The following TRPM3 variants were observed in gnomAD, a reference collection of about 807,000 sequenced individuals.
TRPM3 encodes the protein transient receptor potential cation channel subfamily M member 3.
TRPM3 carries 77 observed loss-of-function variants against 181.2 expected under a neutral mutation model. The observed-to-expected ratio is 0.42, with a 90% CI of 0.35 to 0.51. TRPM3 has a LOEUF of 0.51. TRPM3 is among the 20% of genes least tolerant of loss of function. The probability of loss-of-function intolerance (pLI) is 0.01; values close to 1 mark genes in which losing one functional copy is unlikely to be tolerated. For synonymous variants in TRPM3, 745 were observed against 796.4 expected (o/e 0.94, Z 1.09); for missense variants, 1,759 against 2,196.7 (o/e 0.80, Z 3.98).
At chr9:71,226,042 A>AAAAAAAG (rs2080616875) in intron 1 of TRPM3, among the ~76,000 whole-genome samples, 1 of 113,102 alleles carries the variant, frequency 8.8e-6, no homozygotes, top group Non-Finnish European at 1.9e-5. Context: ...AAAAAAAAAT[A>AAAAAAAG]GCAGGGAGAT....
intron 7 of TRPM3, among the ~76,000 whole-genome samples, chr9:70,768,422 G>A (rs1381626885): frequency 6.6e-6 from 1 of 152,032 alleles, no homozygotes; most frequent in African/African-American, 2.4e-5. Context: ...GCATATAAGG[G>A]ACATCTTCAG....
chr9:71,071,147 A>C lies in TRPM3; in HGVS notation c.177+50031T>G, dbSNP rs117542698. On this transcript the variant is annotated intron_variant, in intron 1 of 25. Coordinates refer to ENST00000677713, the MANE Select transcript of TRPM3 (RefSeq NM_001366145.2). The stretch of plus-strand genomic sequence containing the variant: ...ATGTAGGTATGAGTTAGTTTGAGCC[A>C]ATGAGATGTGAGTGGCAGTCACATG... Among the ~76,000 whole-genome samples, 750 of 152,262 alleles carry C rather than the reference A, an allele frequency of 4.9e-3. 17 individuals carry two copies. In the East Asian group the frequency reaches 0.078, roughly 16 times the overall value.
intron 9 of TRPM3, among the ~76,000 whole-genome samples, chr9:70,655,696 A>G (rs1374871200): frequency 6.6e-6 from 1 of 152,230 alleles, no homozygotes; most frequent in African/African-American, 2.4e-5. Context: ...CTAGCACACC[A>G]GACTTTTTCT....
intron 8 of TRPM3, among the ~76,000 whole-genome samples, chr9:70,697,389 C>T (rs1190930501): frequency 1.3e-5 from 2 of 152,190 alleles, no homozygotes; most frequent in Non-Finnish European, 2.9e-5. Flanking sequence ...TTTATTATCA[C>T]TTTGGGTTCC....
chr9:70,901,915 A>T (rs1426816339), intron 1 of TRPM3, among the ~76,000 whole-genome samples: 1 of 152,232 alleles, frequency 6.6e-6, no homozygotes, highest in Non-Finnish European at 1.5e-5. Flanking sequence ...GATGTTCATC[A>T]TCATCATTAG....
At chr9:70,998,461 G>A (rs1162694579) in intron 1 of TRPM3, among the ~76,000 whole-genome samples, 1 of 151,964 alleles carries the variant, frequency 6.6e-6, no homozygotes, top group Admixed American at 6.6e-5. Flanking sequence ...CACCCCCTGA[G>A]GGAGGTGAAT....
At chr9:70,939,390 T>C (rs907951455) in intron 1 of TRPM3, among the ~76,000 whole-genome samples, 4 of 152,234 alleles carry the variant, frequency 2.6e-5, no homozygotes, top group African/African-American at 9.6e-5. Context: ...CTCATATATG[T>C]TAATTATTCA....
At chr9:71,390,413 T>A (rs1288488622) in intron 1 of TRPM3, among the ~76,000 whole-genome samples, 1 of 152,056 alleles carries the variant, frequency 6.6e-6, no homozygotes, top group Non-Finnish European at 1.5e-5. Context: ...GCATTTCTAA[T>A]TCTCCAAATT....
intron 1 of TRPM3, among the ~76,000 whole-genome samples, chr9:71,035,521 T>C (rs1170398629): frequency 6.6e-6 from 1 of 152,116 alleles, no homozygotes; most frequent in African/African-American, 2.4e-5. Flanking sequence ...GTTTGAGACC[T>C]ACCTGGCCAA....
At chr9:71,310,102 C>T (rs927814930) in intron 1 of TRPM3, among the ~76,000 whole-genome samples, 5 of 151,772 alleles carry the variant, frequency 3.3e-5, no homozygotes, top group African/African-American at 1.2e-4. Context: ...GCCTATCATT[C>T]AATATGTTAA....
At chr9:71,024,554 A>T (rs1341701002) in intron 1 of TRPM3, among the ~76,000 whole-genome samples, 1 of 152,162 alleles carries the variant, frequency 6.6e-6, no homozygotes, top group African/African-American at 2.4e-5. Flanking sequence ...TCTAAAACTG[A>T]CTTGCTGAGA....
chr9:70,539,697 G>C (rs1457410502), intron 25 of TRPM3, among the ~76,000 whole-genome samples: 1 of 152,046 alleles, frequency 6.6e-6, no homozygotes, highest in African/African-American at 2.4e-5. Flanking sequence ...TATAAACATA[G>C]CCCAAGAAAC....
intron 1 of TRPM3, among the ~76,000 whole-genome samples, chr9:70,985,419 C>G (rs1466124667): frequency 6.6e-6 from 1 of 152,192 alleles, no homozygotes; most frequent in Non-Finnish European, 1.5e-5. Flanking sequence ...CTAGAGAAGG[C>G]AACCCAGTGC....
rs1243816241 is a variant in TRPM3, at chr9:70,648,751, C to G, written c.1346-8091G>C. ...ACTAACAAGCAATAGGGCAAGGACTCTCTATTCAGTAAATGGAGCTGGGAT... is the reference window on the plus strand; with the variant it reads ...ACTAACAAGCAATAGGGCAAGGACTGTCTATTCAGTAAATGGAGCTGGGAT... On this transcript the variant is annotated intron_variant, in intron 9 of 25. Coordinates refer to ENST00000677713, the MANE Select transcript of TRPM3 (RefSeq NM_001366145.2). 3.3e-5 allele frequency among the ~76,000 whole-genome samples: 5 copies of G among 152,272 alleles called. No individual in the cohort carries two copies. In the East Asian group the frequency reaches 9.6e-4, roughly 29 times the overall value.
At chr9:70,966,531 T>C (rs570847693) in intron 1 of TRPM3, among the ~76,000 whole-genome samples, 1 of 152,132 alleles carries the variant, frequency 6.6e-6, no homozygotes, top group South Asian at 2.1e-4. Context: ...TAAAATGTGG[T>C]ACATATACAC....
intron 1 of TRPM3, among the ~76,000 whole-genome samples, chr9:71,275,001 A>G (rs541173959): frequency 1.3e-5 from 2 of 152,180 alleles, no homozygotes; most frequent in Non-Finnish European, 2.9e-5. Context: ...AAAGGCAAAG[A>G]TCCCTGCTAT....
chr9:71,430,519 T>C (rs975689002), intron 1 of TRPM3, among the ~76,000 whole-genome samples: 2 of 152,166 alleles, frequency 1.3e-5, no homozygotes, highest in Non-Finnish European at 2.9e-5. Context: ...TGAGATTAAA[T>C]AAGAATGCTG....
chr9:70,689,603 C>T (rs117243900), intron 8 of TRPM3, among the ~76,000 whole-genome samples: 3,733 of 151,638 alleles, frequency 0.025, 71 homozygotes, highest in Non-Finnish European at 0.042. Context: ...AAAGCACAGA[C>T]GGAACCAATA....
At position 70,616,092 on chromosome 9, in the gene TRPM3, GATAATA is replaced by G. The variant is rs773115247; in HGVS notation, c.2359-23_2359-18del. On this transcript the variant is annotated intron_variant, in intron 17 of 25. Transcript: ENST00000677713. ...CAGAATTACCTAAAGTAATAATAAT[GATAATA>G]ATAATAATCACATTTAAAGGATTAA... 11 of 1,514,246 alleles carry G rather than the reference GATAATA, an allele frequency of 7.3e-6. No individual in the cohort carries two copies. Among genetic ancestry groups the G allele is most frequent in the African/African-American group, 1.4e-5 (1 of 70,492 alleles). 93.8% of individuals were successfully genotyped at this position (1,514,246 alleles called of 1,614,324 possible). A position where few individuals can be genotyped will look rare whatever the true frequency, so the allele number is the denominator to read the frequency against.
Sources: gnomAD v4.1 joint callset for allele counts (sites outside exome capture counted in the v4.1 genomes callset) on GRCh38, gnomAD v4.1.1 for gene constraint, MANE v1.5 for transcripts, NCBI Gene and HGNC (gene_info 2026-07-23, HGNC 2026-07-21) for gene names.